The following SMC5 variants were observed in gnomAD, a reference collection of about 807,000 sequenced individuals.
The protein encoded by SMC5 is structural maintenance of chromosomes protein 5.
In SMC5, 88 loss-of-function variants were observed where a neutral mutation model predicts 148.3. The observed-to-expected ratio is 0.59, with a 90% CI of 0.50 to 0.71. The LOEUF is 0.71. SMC5 is among the 30% of genes least tolerant of loss of function. The pLI is 0.00. For missense variants in SMC5, 1,142 were observed against 1,298.9 expected, an observed-to-expected ratio of 0.88 and a Z score of 1.86; for synonymous variants, 421 against 432.8, an observed-to-expected ratio of 0.97 and a Z score of 0.34.
intron 18 of SMC5, chr9:70,346,318 A>G: frequency 2.4e-6 from 1 of 414,030 alleles, no homozygotes; most frequent in East Asian, 3.8e-5. Context: ...ATATGTCAAG[A>G]TCTTTTTCAG....
Position 70,354,069 on chromosome 9 carries a change from T to C in SMC5, c.*1738T>C, listed in dbSNP as rs1238884152. On this transcript the variant is annotated 3_prime_UTR_variant, in exon 25 of 25. Coordinates refer to ENST00000361138, the MANE Select transcript of SMC5 (RefSeq NM_015110.4). ...GCCAACAACTGTTCCATACTTTGTTTGTAAACATTTAATTTCTCTACTGGA... is the reference window on the plus strand; with the variant it reads ...GCCAACAACTGTTCCATACTTTGTTCGTAAACATTTAATTTCTCTACTGGA... 1.3e-5 allele frequency: 2 copies of C among 152,270 alleles called. No homozygotes were observed. Among genetic ancestry groups the C allele is most frequent in the African/African-American group, 4.8e-5 (2 of 41,476 alleles). 9.4% of individuals were successfully genotyped at this position (152,270 alleles called of 1,614,324 possible).
chr9:70,282,705 T>C, intron 7 of SMC5, 122 bp downstream of exon 7: 3 of 1,001,224 alleles, frequency 3.0e-6, no homozygotes, highest in Non-Finnish European at 4.2e-6. Context: ...TTAAGTTTTT[T>C]AACCAGGAAT....
chr9:70,264,404 G>A lies in SMC5; in HGVS notation c.286G>A (p.Gly96Ser). 1 of 1,614,008 alleles carries A rather than the reference G, an allele frequency of 6.2e-7. No homozygotes were observed. The change falls in exon 2 of 25, where the codon GGT becomes AGT. Residue 96 changes from glycine (G) to serine (S), a missense_variant. Around this residue, in one of 5 missense-constraint regions of SMC5, gnomAD observed 297 missense variants for 302.6 expected, o/e 0.98. Transcript: ENST00000361138. The stretch of plus-strand genomic sequence containing the variant: ...GAGCATTGTGTGTGCCATTTGCCTT[G>A]GTTTAGCTGGAAAACCTGCTTTCAT... ...KSSIVCAICL[G>S]LAGKPAFMGR...
intron 17 of SMC5, among the ~76,000 whole-genome samples, chr9:70,334,131 T>TG (rs201463386): frequency 1.3e-4 from 19 of 147,810 alleles, no homozygotes; most frequent in East Asian, 3.9e-4. Flanking sequence ...TTGTTGTTGT[T>TG]TTTTTTTTTT....
At chr9:70,272,793 T>A (rs993574654) in intron 3 of SMC5, among the ~76,000 whole-genome samples, 1 of 152,170 alleles carries the variant, frequency 6.6e-6, no homozygotes. Flanking sequence ...AACTGAGAGT[T>A]GGCTAGTGAG....
chr9:70,260,090 G>T (rs988013368), intron 1 of SMC5, among the ~76,000 whole-genome samples: 1 of 151,388 alleles, frequency 6.6e-6, no homozygotes, highest in African/African-American at 2.4e-5. Flanking sequence ...GACTACAGGC[G>T]CGCGCCACCA....
At chr9:70,326,545 TACTTTG>T (rs1333026678) in intron 17 of SMC5, among the ~76,000 whole-genome samples, 1 of 151,998 alleles carries the variant, frequency 6.6e-6, no homozygotes, top group Non-Finnish European at 1.5e-5. Context: ...GGAAAGTGAT[TACTTTG>T]ACTTTATGTT....
rs189880047 is a variant in SMC5 at position 70,329,491 on chromosome 9, A to G, written c.2397+5348A>G. Among the ~76,000 whole-genome samples, 175 of 152,322 alleles carry G rather than the reference A, an allele frequency of 1.1e-3. 1 individual carries two copies. The highest frequency in any genetic ancestry group is 2.4e-3 in the Admixed American group (37 of 15,300). On this transcript the variant is annotated intron_variant, in intron 17 of 24. Coordinates refer to ENST00000361138, the MANE Select transcript of SMC5 (RefSeq NM_015110.4). ...AGGCACAGTGCTGCCAGTCTCTGCT[A>G]AAACATAGCAAGAGTGACGTTTACT...
At chr9:70,349,123 G>T (rs1418902715) in intron 22 of SMC5, among the ~76,000 whole-genome samples, 1 of 152,236 alleles carries the variant, frequency 6.6e-6, no homozygotes, top group African/African-American at 2.4e-5. Context: ...CTGGAGCGCA[G>T]TGGCGCAATC....
intron 11 of SMC5, among the ~76,000 whole-genome samples, chr9:70,310,442 G>A (rs938933895): frequency 3.9e-5 from 6 of 152,124 alleles, no homozygotes; most frequent in Admixed American, 6.5e-5. Flanking sequence ...TCAACAGTGG[G>A]CTTAAAATAC....
intron 10 of SMC5, among the ~76,000 whole-genome samples, chr9:70,301,024 TTACCA>T (rs1465341914): frequency 3.1e-4 from 47 of 152,272 alleles, no homozygotes; most frequent in Admixed American, 5.2e-4. Context: ...TTTCAATTTT[TTACCA>T]TATCTTAAAT....
At chr9:70,347,219 A>G in intron 20 of SMC5, 58 bp downstream of exon 20, 1 of 1,286,388 alleles carries the variant, frequency 7.8e-7, no homozygotes, top group Non-Finnish European at 1.1e-6. Flanking sequence ...CCCTCCCCAT[A>G]CACACACATA....
Position 70,286,186 on chromosome 9 carries a change from G to GGGTTGT in SMC5, c.982-14_982-13insGGTTGT. 1 of 1,532,742 alleles carries GGGTTGT rather than the reference G, an allele frequency of 6.5e-7. No homozygotes were observed. The allele number at this position is 1,532,742 out of a possible 1,614,324, so 94.9% of individuals were successfully genotyped here. ...AACTAGCTGTCCCCCCCTCTCCCCGGTTTAATTTTACAGGCAACAGATATT... is the reference window on the plus strand; with the variant it reads ...AACTAGCTGTCCCCCCCTCTCCCCGGGGTTGTTTTAATTTTACAGGCAACAGATATT... On this transcript the variant is annotated splice_polypyrimidine_tract_variant and intron_variant, in intron 7 of 24. Transcript: ENST00000361138.
chr9:70,270,901 C>G (rs1014324121), intron 3 of SMC5, among the ~76,000 whole-genome samples: 3 of 152,128 alleles, frequency 2.0e-5, no homozygotes, highest in Non-Finnish European at 4.4e-5. Context: ...CCCGCCTTGG[C>G]CTCCCACAGT....
rs1288782599 is a variant in SMC5, at chr9:70,323,495, G to A, written c.2163G>A (p.Met721Ile). 1.2e-6 allele frequency: 2 copies of A among 1,608,928 alleles called. No individual in the cohort carries two copies. Among genetic ancestry groups the A allele is most frequent in the Non-Finnish European group, 1.7e-6 (2 of 1,178,866 alleles). ...ISSKLGSLKL[M>I]EQDTCNLEEE... ...ATGTGTCATACAGTTTAAAGCTGAT[G>A]GAACAGGATACTTGCAATCTTGAAG... The change falls in exon 16 of 25, where the codon ATG (methionine) becomes ATA (isoleucine). Residue 721 changes from methionine to isoleucine, a missense_variant. Met to Ile is a conservative substitution (Grantham distance 10). This residue lies in a region of SMC5 where 743 missense variants were observed against 835.7 expected (regional missense o/e 0.89). Coordinates refer to ENST00000361138, the MANE Select transcript of SMC5 (RefSeq NM_015110.4).
chr9:70,292,426 T>C (rs1476899166), intron 8 of SMC5, among the ~76,000 whole-genome samples: 1 of 152,192 alleles, frequency 6.6e-6, no homozygotes, highest in Non-Finnish European at 1.5e-5. Flanking sequence ...TGGGAGTTTC[T>C]ACCTAGGCAG....
intron 6 of SMC5, among the ~76,000 whole-genome samples, chr9:70,281,725 T>C (rs1303468758): frequency 1.3e-5 from 2 of 152,220 alleles, no homozygotes; most frequent in African/African-American, 2.4e-5. Context: ...CATCATTTCA[T>C]GATTCTTAAA....
intron 7 of SMC5, among the ~76,000 whole-genome samples, chr9:70,283,300 T>C (rs904832972): frequency 6.6e-6 from 1 of 151,868 alleles, no homozygotes; most frequent in Non-Finnish European, 1.5e-5. Flanking sequence ...CCTGTCTCTA[T>C]GAAAAACACA....
chr9:70,334,129 G>T (rs1403063147), intron 17 of SMC5, among the ~76,000 whole-genome samples: 18 of 133,982 alleles, frequency 1.3e-4, no homozygotes, highest in South Asian at 2.4e-4. Flanking sequence ...AGTTGTTGTT[G>T]TTTTTTTTTT....
Sources: allele counts gnomAD v4.1 joint callset (sites outside exome capture counted in the v4.1 genomes callset), GRCh38; gene constraint gnomAD v4.1.1; regional missense constraint gnomAD v4.1.1; transcripts MANE v1.5; gene names NCBI Gene and HGNC (gene_info 2026-07-23, HGNC 2026-07-21).